The following FBLN2 variants were observed in gnomAD, a reference collection of about 807,000 sequenced individuals.
FBLN2 encodes the protein fibulin 2.
In FBLN2, 81 loss-of-function variants were observed where a neutral mutation model predicts 123.7. That is an observed-to-expected ratio of 0.65 (90% CI 0.55 to 0.79). The LOEUF is 0.79. Among genes scored for constraint, FBLN2 ranks in the 30% least tolerant of loss-of-function variants. FBLN2 has a pLI of 0.00. For synonymous variants in FBLN2, 699 were observed against 701.4 expected (o/e 1.00, Z 0.05); for missense variants, 1,603 against 1,681.3 (o/e 0.95, Z 0.81).
intron 8 of FBLN2, among the ~76,000 whole-genome samples, chr3:13,620,195 G>A (rs539029496): frequency 3.9e-5 from 6 of 152,240 alleles, no homozygotes; most frequent in South Asian, 2.1e-4. Flanking sequence ...CCCAAAGATC[G>A]AGTCAATAGG....
At chr3:13,549,844 C>G (rs543360828) in intron 1 of FBLN2, among the ~76,000 whole-genome samples, 30 of 152,244 alleles carry the variant, frequency 2.0e-4, no homozygotes, top group African/African-American at 7.2e-4. Flanking sequence ...ACACTCATCT[C>G]ACGTCCCCTT....
rs1262803657 is a variant in FBLN2 at position 13,619,085 on chromosome 3, A to G, written c.2053+68A>G. 4 of 1,212,142 alleles carry G rather than the reference A, an allele frequency of 3.3e-6. No individual in the cohort carries two copies. In the African/African-American group the frequency reaches 4.5e-5, roughly 14 times the overall value. 75.1% of individuals were successfully genotyped at this position (1,212,142 alleles called of 1,614,324 possible). On this transcript the variant is annotated intron_variant, in intron 7 of 17. Coordinates refer to ENST00000404922, the MANE Select transcript of FBLN2 (RefSeq NM_001004019.2). Reference sequence around the variant, plus strand: ...CAGGGGGTGGGTCTGGGCTGCTTGCAGGTGGTGAGCTGTCTGGTGCTGGGT... The same window carrying G: ...CAGGGGGTGGGTCTGGGCTGCTTGCGGGTGGTGAGCTGTCTGGTGCTGGGT...
intron 2 of FBLN2, among the ~76,000 whole-genome samples, chr3:13,597,402 G>A (rs950576392): frequency 4.6e-5 from 7 of 152,262 alleles, no homozygotes; most frequent in East Asian, 3.9e-4. Context: ...AGTTACCACC[G>A]TCCTGATGGC....
chr3:13,626,966 T>G (rs952013330), intron 10 of FBLN2, among the ~76,000 whole-genome samples: 4 of 151,580 alleles, frequency 2.6e-5, no homozygotes. Flanking sequence ...GAGGGAGGGG[T>G]TTCATCCAAC....
At chr3:13,549,807 G>T (rs954279176) in intron 1 of FBLN2, among the ~76,000 whole-genome samples, 1 of 151,274 alleles carries the variant, frequency 6.6e-6, no homozygotes, top group Non-Finnish European at 1.5e-5. Context: ...TGCTCACCCC[G>T]CCAGCTCCCC....
At position 13,571,147 on chromosome 3, in the gene FBLN2, C is replaced by T. The variant is rs1383531653; in HGVS notation, c.792C>T (p.Ala264=). ...PTAAAALGPP[A]PVQAKARRVT... is the part of the protein sequence containing the mutation. ...CGGCTGCTGCCCTGGGTCCCCCAGCCCCAGTGCAGGCCAAAGCTAGGAGAG... is the reference window on the plus strand; with the variant it reads ...CGGCTGCTGCCCTGGGTCCCCCAGCTCCAGTGCAGGCCAAAGCTAGGAGAG... Residue 264 remains alanine (A), a synonymous_variant, in exon 2 of 18, where the codon GCC becomes GCT. Coordinates refer to ENST00000404922, the MANE Select transcript of FBLN2 (RefSeq NM_001004019.2). 4 of 1,556,064 alleles carry T rather than the reference C, an allele frequency of 2.6e-6. No individual in the cohort carries two copies. Among genetic ancestry groups the T allele is most frequent in the Non-Finnish European group, 2.6e-6 (3 of 1,150,614 alleles).
At chr3:13,596,711 C>T (rs552830130) in intron 2 of FBLN2, among the ~76,000 whole-genome samples, 5 of 152,208 alleles carry the variant, frequency 3.3e-5, no homozygotes, top group South Asian at 2.1e-4. Flanking sequence ...ACCCTAACTC[C>T]CTATATCCCC....
intron 3 of FBLN2, among the ~76,000 whole-genome samples, chr3:13,608,653 A>G (rs561548021): frequency 6.6e-6 from 1 of 152,302 alleles, no homozygotes; most frequent in South Asian, 2.1e-4. Context: ...ATACCACAGC[A>G]AAGCAATCCT....
intron 2 of FBLN2, among the ~76,000 whole-genome samples, chr3:13,606,643 T>A (rs1049021428): frequency 3.4e-5 from 5 of 148,120 alleles, no homozygotes; most frequent in Non-Finnish European, 7.5e-5. Context: ...ATATGTTATA[T>A]ATATTATATA....
chr3:13,552,727 G>A (rs9878703), intron 1 of FBLN2, among the ~76,000 whole-genome samples: 46 of 152,230 alleles, frequency 3.0e-4, no homozygotes, highest in African/African-American at 1.1e-3. Flanking sequence ...GTGTTGTGTG[G>A]GGGCGGCCAG....
intron 5 of FBLN2, among the ~76,000 whole-genome samples, chr3:13,616,595 G>A (rs115285735): frequency 6.6e-6 from 1 of 152,170 alleles, no homozygotes; most frequent in East Asian, 1.9e-4. Context: ...TATGAAACAC[G>A]TTCCTCATAC....
chr3:13,626,233 G>A (rs1010727316), intron 9 of FBLN2, among the ~76,000 whole-genome samples: 10 of 152,228 alleles, frequency 6.6e-5, no homozygotes, highest in African/African-American at 2.2e-4. Context: ...CCAGTGCCAA[G>A]AACAGTGCTT....
chr3:13,560,297 A>T (rs1206070786), intron 1 of FBLN2, among the ~76,000 whole-genome samples: 1 of 151,928 alleles, frequency 6.6e-6, no homozygotes, highest in East Asian at 1.9e-4. Flanking sequence ...GTTCCACTTG[A>T]AAGATTATTT....
In FBLN2 at chr3:13,630,722, C is replaced by T. The variant is rs544993370; in HGVS notation, c.2992C>T (p.Arg998Cys). ...CEDVNECEAQRCSQECANIYG... is the reference protein window; with the variant it reads ...CEDVNECEAQCCSQECANIYG... The stretch of plus-strand genomic sequence containing the variant: ...AGACGTGAATGAGTGTGAGGCCCAG[C>T]GCTGCAGCCAGGAGTGTGCCAACAT... The change falls in exon 15 of 18, where the codon CGC becomes TGC. Residue 998 changes from arginine to cysteine, a missense_variant. Coordinates refer to ENST00000404922, the MANE Select transcript of FBLN2 (RefSeq NM_001004019.2). 24 of 1,607,818 alleles carry T rather than the reference C, an allele frequency of 1.5e-5. No homozygotes were observed. The highest frequency in any genetic ancestry group is 4.5e-5 in the South Asian group (4 of 89,522).
chr3:13,570,459 GC>G lies in FBLN2; in HGVS notation c.105del (p.Val36TrpfsTer90). The G allele has an allele frequency of 6.4e-7, 1 of 1,572,966 alleles. No individual in the cohort carries two copies. On this transcript the variant is annotated frameshift_variant, in exon 2 of 18. Coordinates refer to ENST00000404922, the MANE Select transcript of FBLN2 (RefSeq NM_001004019.2). LOFTEE classifies it high-confidence loss of function. ...AAAAPRQDCTGVECPPLENCI... is the reference protein window; with the variant it reads ...AAAAPRQDCTXVECPPLENCI... ...GCTGCCCCTCGGCAGGACTGCACGG[GC>G]GTGGAGTGCCCGCCGCTGGAGAACT...
rs770902712 is a variant in FBLN2 at position 13,621,958 on chromosome 3, G to T, written c.2296+43G>T. ...CTGCCGCCCGCCGTCACAGCTCTCC[G>T]CTCTGCTCCACGCCAAGCCCACCAC... On this transcript the variant is annotated intron_variant, in intron 9 of 17. Transcript: ENST00000404922. 1.1e-5 allele frequency: 18 copies of T among 1,595,852 alleles called. No homozygotes were observed. The African/African-American group carries it at 1.5e-4, about 13-fold the overall frequency.
intron 11 of FBLN2, among the ~76,000 whole-genome samples, chr3:13,628,237 T>C (rs936880780): frequency 4.6e-5 from 7 of 152,130 alleles, no homozygotes; most frequent in African/African-American, 9.7e-5. Context: ...ATCTGTGGGG[T>C]TGGACTGGAT....
intron 3 of FBLN2, 32 bp from the exon 4 acceptor site, chr3:13,609,481 G>C (rs373592072): frequency 1.3e-6 from 2 of 1,519,122 alleles, no homozygotes; most frequent in African/African-American, 2.8e-5. Flanking sequence ...TGAGGTGGGC[G>C]ACTGGGGGCT....
Position 13,576,213 on chromosome 3 carries a change from G to C in FBLN2, c.1306+4552G>C, listed in dbSNP as rs533407396. Among the ~76,000 whole-genome samples the C allele has an allele frequency of 2.6e-5, 4 of 152,340 alleles. No homozygotes were observed. In the East Asian group the frequency reaches 7.7e-4, roughly 29 times the overall value. ...AAAACAGGATCCAAGCTGGTTAAGAGCCTTGCCCAAGGCCACAGCTATGGG... is the reference window on the plus strand; with the variant it reads ...AAAACAGGATCCAAGCTGGTTAAGACCCTTGCCCAAGGCCACAGCTATGGG... On this transcript the variant is annotated intron_variant, in intron 2 of 17. Coordinates refer to ENST00000404922, the MANE Select transcript of FBLN2 (RefSeq NM_001004019.2).
Sources: gnomAD v4.1 joint callset for allele counts (sites outside exome capture counted in the v4.1 genomes callset) on GRCh38, gnomAD v4.1.1 for gene constraint, MANE v1.5 for transcripts, NCBI Gene and HGNC (gene_info 2026-07-23, HGNC 2026-07-21) for gene names.